LDLRAP1: variants seen among roughly 807,000 people sequenced by gnomAD.
LDLRAP1 encodes low density lipoprotein receptor adaptor protein 1.
In LDLRAP1, 30 loss-of-function variants were observed where a neutral mutation model predicts 37.8. The ratio of observed to expected loss-of-function variants is 0.79; its 90% CI spans 0.59 to 1.08. The LOEUF is 1.08. Among genes scored for constraint, LDLRAP1 ranks in the 50% least tolerant of loss-of-function variants. The pLI is 0.00. For missense variants in LDLRAP1, 375 were observed against 401.6 expected (o/e 0.93, Z 0.57); for synonymous variants, 156 against 169.8 (o/e 0.92, Z 0.63).
chr1:25,582,478 A>G, the LDLRAP1 span, among the ~76,000 whole-genome samples: 9 of 151,752 alleles, frequency 5.9e-5, no homozygotes, highest in South Asian at 2.1e-4. Context: ...CCAGCTACTC[A>G]GGAGGCTGAG....
In LDLRAP1 at chr1:25,557,231, C is replaced by T. The variant is rs140170877; in HGVS notation, c.423C>T (p.Leu141=). Residue 141 remains leucine (L), a synonymous_variant, in exon 4 of 9, where the codon CTC becomes CTT. Coordinates refer to ENST00000374338, the MANE Select transcript of LDLRAP1 (RefSeq NM_015627.3). The stretch of plus-strand genomic sequence containing the variant: ...CCCAGAGCCAGCACAACCAGAGCCT[C>T]GAGTGCCACGCCTTCCTCTGCACCA... ...YIAQSQHNQS[L]ECHAFLCTKR... 291 of 1,614,022 alleles carry T rather than the reference C, an allele frequency of 1.8e-4. No individual in the cohort carries two copies. Among genetic ancestry groups the T allele is most frequent in the Non-Finnish European group, 2.2e-4 (265 of 1,179,950 alleles).
At chr1:25,564,982 G>C in intron 7 of LDLRAP1, 191 bp from the exon 8 acceptor site, 1 of 648,548 alleles carries the variant, frequency 1.5e-6, no homozygotes, top group Non-Finnish European at 2.8e-6. Context: ...CACGTCTCCA[G>C]CTTTGGGTCC....
At chr1:25,571,107 C>T (rs1345665057), downstream of LDLRAP1, among the ~76,000 whole-genome samples, 4 of 152,196 alleles carry the variant, frequency 2.6e-5, no homozygotes, top group Admixed American at 2.0e-4. Context: ...AGTGCCTCTC[C>T]GTGCAGATCA....
At chr1:25,581,299 C>G in the LDLRAP1 span, among the ~76,000 whole-genome samples, 1 of 152,088 alleles carries the variant, frequency 6.6e-6, no homozygotes, top group Non-Finnish European at 1.5e-5. Context: ...GTATGGGCCC[C>G]TGGCCTCTTG....
downstream of LDLRAP1, among the ~76,000 whole-genome samples, chr1:25,571,765 C>G (rs774300521): frequency 4.6e-5 from 7 of 152,200 alleles, no homozygotes; most frequent in Non-Finnish European, 1.0e-4. Context: ...CCAGAGTAAC[C>G]TTAGCCAAGT....
the LDLRAP1 span, among the ~76,000 whole-genome samples, chr1:25,582,898 C>A: frequency 6.6e-6 from 1 of 151,952 alleles, no homozygotes; most frequent in Admixed American, 6.5e-5. Context: ...ATGGTGAAAC[C>A]CCGTCTCTAC....
chr1:25,564,081 C>T (rs1048332385), intron 7 of LDLRAP1: 2 of 448,284 alleles, frequency 4.5e-6, no homozygotes, highest in Non-Finnish European at 8.3e-6. Context: ...CCAAAGGCGC[C>T]CTTGTTCTTG....
Position 25,554,849 on chromosome 1 carries a change from C to G in LDLRAP1, c.232-11C>G. 1 of 1,609,906 alleles carries G rather than the reference C, an allele frequency of 6.2e-7. No individual in the cohort carries two copies. Among genetic ancestry groups the G allele is most frequent in the Non-Finnish European group, 8.5e-7 (1 of 1,176,508 alleles). ...GCTGGCAGACTCCTCTGACTCCTGTCTGCTCCCAAGGCTAAGGCCAGTGGG... is the reference window on the plus strand; with the variant it reads ...GCTGGCAGACTCCTCTGACTCCTGTGTGCTCCCAAGGCTAAGGCCAGTGGG... On this transcript the variant is annotated splice_polypyrimidine_tract_variant and intron_variant, in intron 2 of 8. Coordinates refer to ENST00000374338, the MANE Select transcript of LDLRAP1 (RefSeq NM_015627.3). The surrounding 1 kb of genome is among the most constrained non-coding windows in gnomAD (Gnocchi z 5.4).
the LDLRAP1 span, among the ~76,000 whole-genome samples, chr1:25,577,702 G>A: frequency 6.6e-6 from 1 of 152,224 alleles, no homozygotes; most frequent in Non-Finnish European, 1.5e-5. Context: ...AGGGTGCATA[G>A]CAGAGGCCTG....
chr1:25,572,848 T>C (rs560978120), downstream of LDLRAP1, among the ~76,000 whole-genome samples: 4 of 152,124 alleles, frequency 2.6e-5, no homozygotes, highest in Admixed American at 6.5e-5. Context: ...ATCATCCGTC[T>C]CTCCACTGTC....
At chr1:25,546,010 C>T (rs1187208059) in intron 1 of LDLRAP1, among the ~76,000 whole-genome samples, 1 of 152,208 alleles carries the variant, frequency 6.6e-6, no homozygotes, top group Non-Finnish European at 1.5e-5. Flanking sequence ...CAGAGCTCCA[C>T]ATTCCTAGCG....
chr1:25,565,339 T>C, intron 8 of LDLRAP1, 132 bp downstream of exon 8: 1 of 979,846 alleles, frequency 1.0e-6, no homozygotes, highest in Admixed American at 1.8e-5. Context: ...AACAGTCCCA[T>C]CCCTCCACTC....
At chr1:25,588,404 T>C in the LDLRAP1 span, among the ~76,000 whole-genome samples, 1 of 152,166 alleles carries the variant, frequency 6.6e-6, no homozygotes, top group Non-Finnish European at 1.5e-5. Context: ...GTATATTCCA[T>C]CTCCTGAGAT....
At chr1:25,547,638 G>T (rs2043969355) in intron 1 of LDLRAP1, among the ~76,000 whole-genome samples, 1 of 152,172 alleles carries the variant, frequency 6.6e-6, no homozygotes, top group Non-Finnish European at 1.5e-5. Flanking sequence ...GTTCCCGGAA[G>T]CCCGGTGGAG....
downstream of LDLRAP1, among the ~76,000 whole-genome samples, chr1:25,571,251 G>A (rs931624940): frequency 6.6e-6 from 1 of 152,232 alleles, no homozygotes; most frequent in Non-Finnish European, 1.5e-5. Context: ...AGACACCAGA[G>A]CAGATCCCAC....
At chr1:25,565,084 T>C in intron 7 of LDLRAP1, 89 bp from the exon 8 acceptor site, 5 of 1,448,390 alleles carry the variant, frequency 3.5e-6, no homozygotes, top group Non-Finnish European at 4.9e-6. Context: ...CCTGAGTCCC[T>C]GTAGCTTACC....
chr1:25,563,089 A>G lies in LDLRAP1; in HGVS notation c.552A>G (p.Lys184=), dbSNP rs766426695. The G allele has an allele frequency of 2.5e-6, 4 of 1,614,050 alleles. No homozygotes were observed. The African/African-American group carries it at 5.3e-5, about 22-fold the overall frequency. Reference sequence around the variant, plus strand: ...CTGCAGAGAAAGAGAAGAGGGACAAAGCCAGCCAAGAGGGAGGGGACGTCC... The same window carrying G: ...CTGCAGAGAAAGAGAAGAGGGACAAGGCCAGCCAAGAGGGAGGGGACGTCC... ...VSKEEKEKRD[K]ASQEGGDVLG... The change falls in exon 6 of 9, where the codon AAA becomes AAG. Residue 184 remains lysine, a synonymous_variant. Transcript: ENST00000374338.
chr1:25,561,510 G>A (rs2044342044), intron 4 of LDLRAP1, among the ~76,000 whole-genome samples: 2 of 152,114 alleles, frequency 1.3e-5, no homozygotes, highest in African/African-American at 2.4e-5. Context: ...GGCAGGGAGC[G>A]GGGCTGAGGC....
intron 4 of LDLRAP1, among the ~76,000 whole-genome samples, chr1:25,558,134 G>C (rs1352777167): frequency 1.3e-5 from 2 of 152,086 alleles, no homozygotes; most frequent in Non-Finnish European, 2.9e-5. Flanking sequence ...TCAACCTTTG[G>C]CATTGCAGCT....
Sources: allele counts gnomAD v4.1 joint callset (sites outside exome capture counted in the v4.1 genomes callset), GRCh38; gene constraint gnomAD v4.1.1; non-coding constraint Gnocchi (gnomAD v3.1); transcripts MANE v1.5; gene names NCBI Gene and HGNC (gene_info 2026-07-23, HGNC 2026-07-21).